The following ATM variants were observed in gnomAD, a reference collection of about 807,000 sequenced individuals.
ATM encodes the protein serine-protein kinase ATM.
In ATM, 308 loss-of-function variants were observed where a neutral mutation model predicts 387.0. That is an observed-to-expected ratio of 0.80 (90% CI 0.73 to 0.87). The LOEUF is 0.87. Ranked by LOEUF, ATM falls within the 40% of genes least tolerant of loss-of-function variation. The pLI is 0.00. For synonymous variants in ATM, 1,156 were observed against 1,187.3 expected (o/e 0.97, Z 0.54); for missense variants, 3,312 against 3,560.9 (o/e 0.93, Z 1.78).
intron 8 of ATM, 92 bp from the exon 9 acceptor site, chr11:108,248,841 T>A (rs2135286875): frequency 9.2e-7 from 1 of 1,082,364 alleles, no homozygotes; most frequent in Non-Finnish European, 1.3e-6. Context: ...TGATACGAGA[T>A]CGTGCTGTTC....
rs772874616 is a variant in ATM at position 108,251,857 on chromosome 11, C to G, written c.1628C>G (p.Thr543Ser). The G allele has an allele frequency of 1.2e-6, 2 of 1,613,816 alleles. No homozygotes were observed. Among genetic ancestry groups the G allele is most frequent in the South Asian group, 2.2e-5 (2 of 91,074 alleles). The change falls in exon 11 of 63, where the codon ACT becomes AGT. Residue 543 changes from threonine to serine, a missense_variant. Transcript: ENST00000675843. ...RPSCPAVCCL[T>S]LALTTSIVPG... ...TATAGTCCTGCAGTATGCTGTTTGACTTTGGCACTGACCACCAGTATAGTT... is the reference window on the plus strand; with the variant it reads ...TATAGTCCTGCAGTATGCTGTTTGAGTTTGGCACTGACCACCAGTATAGTT...
intron 34 of ATM, among the ~76,000 whole-genome samples, chr11:108,300,437 T>C (rs1435655457): frequency 2.0e-5 from 3 of 152,216 alleles, no homozygotes; most frequent in African/African-American, 7.2e-5. Context: ...CTCTCTCTTA[T>C]TTATTTGTTG....
intron 56 of ATM, among the ~76,000 whole-genome samples, chr11:108,341,366 A>T (rs227072): frequency 2.6e-5 from 4 of 151,734 alleles, no homozygotes; most frequent in South Asian, 4.2e-4. Context: ...TTTAAACTTA[A>T]GTTTTGTTCT....
chr11:108,295,167 A>C, intron 32 of ATM, 108 bp downstream of exon 32: 2 of 1,432,086 alleles, frequency 1.4e-6, no homozygotes, highest in African/African-American at 1.4e-5. Context: ...TCAGACTCTC[A>C]TCATTTAGTT....
intron 58 of ATM, chr11:108,346,664 G>T (rs1357211765): frequency 6.5e-6 from 1 of 154,122 alleles, no homozygotes; most frequent in Non-Finnish European, 1.4e-5. Flanking sequence ...AAGAAAGTAG[G>T]CCTAGTTAAT....
chr11:108,293,541 T>C (rs897740673), intron 31 of ATM, 64 bp downstream of exon 31: 44 of 1,364,192 alleles, frequency 3.2e-5, no homozygotes, highest in Admixed American at 8.7e-5. Flanking sequence ...TTCAAAAATC[T>C]GTAATGCTCT....
At chr11:108,227,454 T>C in intron 1 of ATM, 141 bp from the exon 2 acceptor site, 1 of 564,394 alleles carries the variant, frequency 1.8e-6, no homozygotes, top group Non-Finnish European at 3.1e-6. Context: ...TTGACCAGAA[T>C]GTGCCTCTAA....
intron 52 of ATM, among the ~76,000 whole-genome samples, chr11:108,332,397 A>C (rs1306528960): frequency 6.6e-6 from 1 of 152,080 alleles, no homozygotes; most frequent in South Asian, 2.1e-4. Flanking sequence ...GCGCCATTGC[A>C]CTCCAGCCTG....
At chr11:108,313,604 CT>C (rs1447169719) in intron 40 of ATM, among the ~76,000 whole-genome samples, 1 of 152,130 alleles carries the variant, frequency 6.6e-6, no homozygotes, top group East Asian at 1.9e-4. Flanking sequence ...GATTTTTCTC[CT>C]TTCACTTTTG....
At chr11:108,328,871 G>T in intron 48 of ATM, 150 bp from the exon 49 acceptor site, 2 of 838,762 alleles carry the variant, frequency 2.4e-6, no homozygotes, top group East Asian at 2.7e-5. Context: ...CATGGGCCGT[G>T]GGTTGGACAA....
chr11:108,267,852 C>T lies in ATM; in HGVS notation c.2638+510C>T, dbSNP rs555147156. On this transcript the variant is annotated intron_variant, in intron 17 of 62. Coordinates refer to ENST00000675843, the MANE Select transcript of ATM (RefSeq NM_000051.4). ...CAGCCTGGGCGACAGAGCGAGACTC[C>T]GTCTCAAAAAAAGAAATAAAATCAT... is the stretch of plus-strand genomic sequence containing the variant. Among the ~76,000 whole-genome samples the T allele has an allele frequency of 9.9e-5, 15 of 152,154 alleles. No individual in the cohort carries two copies. In the South Asian group the frequency reaches 1.7e-3, roughly 17 times the overall value.
At chr11:108,303,379 A>C (rs138034223) in intron 36 of ATM, among the ~76,000 whole-genome samples, 1 of 151,918 alleles carries the variant, frequency 6.6e-6, no homozygotes, top group Non-Finnish European at 1.5e-5. Context: ...TTGAATAAGA[A>C]AAAGGAGTGG....
In ATM at chr11:108,249,018, G is replaced by A. The variant is rs2135293092; in HGVS notation, c.1151G>A (p.Cys384Tyr). The A allele has an allele frequency of 6.2e-7, 1 of 1,613,804 alleles. No homozygotes were observed. Among genetic ancestry groups the A allele is most frequent in the Non-Finnish European group, 8.5e-7 (1 of 1,179,804 alleles). ...GAATCTAGTGATTACAGTGTCCCTTGCAAAAGGAAGAAAATAGAACTAGGC... is the reference window on the plus strand; with the variant it reads ...GAATCTAGTGATTACAGTGTCCCTTACAAAAGGAAGAAAATAGAACTAGGC... ...QRESSDYSVPCKRKKIELGWE... is the reference protein window; with the variant it reads ...QRESSDYSVPYKRKKIELGWE... Residue 384 changes from cysteine (C) to tyrosine (Y), a missense_variant, in exon 9 of 63, where the codon TGC becomes TAC. Physicochemically the swap from Cys to Tyr is radical, Grantham distance 194 (BLOSUM62 -2). Coordinates refer to ENST00000675843, the MANE Select transcript of ATM (RefSeq NM_000051.4).
chr11:108,237,984 T>C (rs1444200664), intron 5 of ATM, among the ~76,000 whole-genome samples: 1 of 147,066 alleles, frequency 6.8e-6, no homozygotes, highest in African/African-American at 2.5e-5. Context: ...TGGAGTGCAG[T>C]GGCACGATCT....
At chr11:108,292,891 TTTA>T in intron 30 of ATM, 98 bp downstream of exon 30, 6 of 1,403,642 alleles carry the variant, frequency 4.3e-6, no homozygotes, top group East Asian at 2.4e-5. Context: ...AATTGGTGAT[TTTA>T]TTGAGAATAT....
At chr11:108,295,643 A>C (rs1030693669) in intron 32 of ATM, 2 of 153,332 alleles carry the variant, frequency 1.3e-5, no homozygotes, top group South Asian at 2.1e-4. Context: ...AGCCATGCTT[A>C]AACATTTTTC....
rs187875652 is a variant in ATM, at chr11:108,359,918, T to G, written c.8850+5044T>G. On this transcript the variant is annotated intron_variant, in intron 61 of 62. Transcript: ENST00000675843. Reference sequence around the variant, plus strand: ...AAGGAAGAGCAAACACATTCAAAAGTTAGCAGAAGGCAAGAAATAACTAAA... The same window carrying G: ...AAGGAAGAGCAAACACATTCAAAAGGTAGCAGAAGGCAAGAAATAACTAAA... Among the ~76,000 whole-genome samples, 917 of 152,118 alleles carry G rather than the reference T, an allele frequency of 6.0e-3. 6 individuals are homozygous for G. Among genetic ancestry groups the G allele is most frequent in the East Asian group, 0.011 (55 of 5,170 alleles).
Position 108,294,983 on chromosome 11 carries a change from T to A in ATM, c.4833T>A (p.Leu1611=), listed in dbSNP as rs769025179. The A allele has an allele frequency of 6.2e-7, 1 of 1,613,904 alleles. No homozygotes were observed. The highest frequency in any genetic ancestry group is 8.5e-7 in the Non-Finnish European group (1 of 1,179,834). ...SVYDALPLTR[L]EGLKDLRRQL... ...ATGATGCACTTCCATTGACAAGACT[T>A]GAAGGACTAAAGGATCTTCGAAGAC... is the stretch of plus-strand genomic sequence containing the variant. Residue 1611 remains leucine (L), a synonymous_variant, in exon 32 of 63, where the codon CTT becomes CTA. Transcript: ENST00000675843.
In ATM at chr11:108,367,230, A is replaced by G; in HGVS notation, c.*1722A>G. ...TCTCGATCGCTTGACCTCGTGATCC[A>G]CCCTCCTCGGCCTCCCAAAGTGCTG... On this transcript the variant is annotated 3_prime_UTR_variant, in exon 63 of 63. Transcript: ENST00000675843. 5.6e-6 allele frequency: 1 copy of G among 178,164 alleles called. No individual in the cohort carries two copies. Among genetic ancestry groups the G allele is most frequent in the Non-Finnish European group, 1.2e-5 (1 of 83,152 alleles). The allele number at this position is 178,164 out of a possible 1,614,324, so 11.0% of individuals were successfully genotyped here. A position where few individuals can be genotyped will look rare whatever the true frequency, so the allele number is the denominator to read the frequency against.
Sources: allele counts gnomAD v4.1 joint callset (sites outside exome capture counted in the v4.1 genomes callset), GRCh38; gene constraint gnomAD v4.1.1; transcripts MANE v1.5; gene names NCBI Gene and HGNC (gene_info 2026-07-23, HGNC 2026-07-21).